KCNIP4: variants seen among roughly 807,000 people sequenced by gnomAD.
The protein encoded by KCNIP4 is potassium voltage-gated channel interacting protein 4.
Under a neutral mutation model 34.0 loss-of-function variants are expected in KCNIP4, and 12 were observed. The ratio of observed to expected loss-of-function variants is 0.35; its 90% confidence interval spans 0.23 to 0.57. The LOEUF is 0.57. Ranked by LOEUF, KCNIP4 falls within the 20% of genes least tolerant of loss-of-function variation. The pLI, the probability that KCNIP4 is intolerant of heterozygous loss-of-function variation, is 0.83. For synonymous variants in KCNIP4, 124 were observed against 102.2 expected (o/e 1.21, Z -1.29); for missense variants, 238 against 311.7 (o/e 0.76, Z 1.78).
chr4:21,613,987 C>T (rs1256925717), intron 1 of KCNIP4, among the ~76,000 whole-genome samples: 2 of 131,968 alleles, frequency 1.5e-5, no homozygotes, highest in African/African-American at 2.8e-5. Context: ...ACTAAAAATA[C>T]AAAAAAAAAA....
chr4:21,646,105 C>A (rs908272771), intron 1 of KCNIP4, among the ~76,000 whole-genome samples: 1 of 152,166 alleles, frequency 6.6e-6, no homozygotes, highest in African/African-American at 2.4e-5. Flanking sequence ...CACTTTATTT[C>A]TACCACCCTA....
At chr4:20,765,061 G>A (rs1755279226) in intron 3 of KCNIP4, among the ~76,000 whole-genome samples, 1 of 152,150 alleles carries the variant, frequency 6.6e-6, no homozygotes, top group African/African-American at 2.4e-5. Context: ...ACATCTTTTT[G>A]CTCATTTATT....
At chr4:21,181,351 T>A (rs1474398653) in intron 1 of KCNIP4, among the ~76,000 whole-genome samples, 1 of 152,092 alleles carries the variant, frequency 6.6e-6, no homozygotes, top group Non-Finnish European at 1.5e-5. Flanking sequence ...CTCTAGACAT[T>A]AAAGCTGCAG....
In KCNIP4 at chr4:21,421,756, A is replaced by G. The variant is rs377261948; in HGVS notation, c.61+526815T>C. Reference sequence around the variant, plus strand: ...TAAAAAGACCATAAATGTTCTAACCACAAATACACAAAAAGATAAATATGA... The same window carrying G: ...TAAAAAGACCATAAATGTTCTAACCGCAAATACACAAAAAGATAAATATGA... On this transcript the variant is annotated intron_variant, in intron 1 of 8. Transcript: ENST00000382152. 1.6e-4 allele frequency among the ~76,000 whole-genome samples: 25 copies of G among 152,346 alleles called. No homozygotes were observed. In the East Asian group the frequency reaches 2.7e-3, roughly 16 times the overall value.
chr4:21,867,367 A>C (rs1725496933), intron 1 of KCNIP4, among the ~76,000 whole-genome samples: 1 of 152,218 alleles, frequency 6.6e-6, no homozygotes, highest in Non-Finnish European at 1.5e-5. Flanking sequence ...GTAGAAAGCA[A>C]GTATACCAAC....
intron 1 of KCNIP4, among the ~76,000 whole-genome samples, chr4:21,738,660 T>C (rs1321921556): frequency 6.6e-6 from 1 of 152,204 alleles, no homozygotes; most frequent in Admixed American, 6.5e-5. Flanking sequence ...TTAATTCTCA[T>C]GTATCTAATT....
chr4:21,402,390 GAT>G (rs1723627966), intron 1 of KCNIP4, among the ~76,000 whole-genome samples: 1 of 152,148 alleles, frequency 6.6e-6, no homozygotes, highest in Non-Finnish European at 1.5e-5. Flanking sequence ...CACAGTTGTG[GAT>G]ATTATACCAA....
At chr4:21,681,425 A>G (rs1216445231) in intron 1 of KCNIP4, among the ~76,000 whole-genome samples, 1 of 152,090 alleles carries the variant, frequency 6.6e-6, no homozygotes, top group Non-Finnish European at 1.5e-5. Context: ...CTTCATCTAC[A>G]CTGAAAATTT....
chr4:21,264,420 C>T (rs1761669214), intron 1 of KCNIP4, among the ~76,000 whole-genome samples: 1 of 152,072 alleles, frequency 6.6e-6, no homozygotes, highest in Non-Finnish European at 1.5e-5. Context: ...AGATGATTAG[C>T]ATGGTGGTTA....
chr4:21,699,104 T>C (rs1401044841), intron 1 of KCNIP4, among the ~76,000 whole-genome samples: 2 of 152,232 alleles, frequency 1.3e-5, no homozygotes, highest in South Asian at 2.1e-4. Flanking sequence ...AAGTTTGAAA[T>C]AGGCAGAAGA....
intron 1 of KCNIP4, among the ~76,000 whole-genome samples, chr4:21,479,247 C>G (rs2109828499): frequency 6.6e-6 from 1 of 151,732 alleles, no homozygotes; most frequent in Middle Eastern, 3.4e-3. Flanking sequence ...TGCTGCTGCT[C>G]AAAAAGAACA....
At chr4:21,572,019 C>T (rs1019590087) in intron 1 of KCNIP4, among the ~76,000 whole-genome samples, 1 of 152,050 alleles carries the variant, frequency 6.6e-6, no homozygotes, top group African/African-American at 2.4e-5. Context: ...TATTATAGAC[C>T]TAGCAAATAA....
At chr4:20,774,856 T>C (rs572405218) in intron 3 of KCNIP4, among the ~76,000 whole-genome samples, 1 of 152,324 alleles carries the variant, frequency 6.6e-6, no homozygotes, top group Non-Finnish European at 1.5e-5. Context: ...ATTTGGGGCC[T>C]GCTAGTTACA....
chr4:21,253,858 T>C (rs1344213163), intron 1 of KCNIP4, among the ~76,000 whole-genome samples: 1 of 152,218 alleles, frequency 6.6e-6, no homozygotes, highest in Non-Finnish European at 1.5e-5. Context: ...TGGGATGTTA[T>C]TCAGATGTAA....
intron 1 of KCNIP4, among the ~76,000 whole-genome samples, chr4:21,217,600 G>T (rs1423917339): frequency 2.0e-5 from 3 of 152,186 alleles, no homozygotes; most frequent in African/African-American, 4.8e-5. Flanking sequence ...AACATGAGCT[G>T]CAAGGGGGAA....
chr4:21,683,538 A>G (rs1750565065), intron 1 of KCNIP4, among the ~76,000 whole-genome samples: 1 of 125,168 alleles, frequency 8.0e-6, no homozygotes, highest in South Asian at 2.7e-4. Flanking sequence ...GCATGGTCTC[A>G]GCTCACTGCA....
chr4:21,571,734 A>G (rs1476328389), intron 1 of KCNIP4, among the ~76,000 whole-genome samples: 2 of 152,174 alleles, frequency 1.3e-5, no homozygotes, highest in Non-Finnish European at 2.9e-5. Context: ...GAGATGTGAC[A>G]GTACTAACAG....
At chr4:21,388,804 T>A (rs1168123654) in intron 1 of KCNIP4, among the ~76,000 whole-genome samples, 2 of 152,226 alleles carry the variant, frequency 1.3e-5, no homozygotes, top group African/African-American at 4.8e-5. Flanking sequence ...TAGCATAATA[T>A]GATGACCCAT....
chr4:21,896,765 A>T (rs1225988328), intron 1 of KCNIP4, among the ~76,000 whole-genome samples: 2 of 152,088 alleles, frequency 1.3e-5, no homozygotes, highest in East Asian at 3.9e-4. Flanking sequence ...CTAAAAATAC[A>T]AAAATTAGCT....
Sources: gnomAD v4.1 joint callset for allele counts (sites outside exome capture counted in the v4.1 genomes callset) on GRCh38, gnomAD v4.1.1 for gene constraint, MANE v1.5 for transcripts, NCBI Gene and HGNC (gene_info 2026-07-23, HGNC 2026-07-21) for gene names.